Variants in PDGFRA observed in about 807,000 individuals in gnomAD.
PDGFRA encodes the protein platelet-derived growth factor receptor alpha.
PDGFRA carries 25 observed loss-of-function variants against 121.5 expected under a neutral mutation model. The ratio of observed to expected loss-of-function variants is 0.21; its 90% CI spans 0.15 to 0.29. The LOEUF (loss-of-function observed/expected upper bound fraction) is 0.29, where lower values mean the gene tolerates loss of function less well. Ranked by LOEUF, PDGFRA falls within the 10% of genes least tolerant of loss-of-function variation. The probability of loss-of-function intolerance (pLI) is 1.00; values close to 1 mark genes in which losing one functional copy is unlikely to be tolerated. For synonymous variants in PDGFRA, 463 were observed against 494.8 expected (o/e 0.94, Z 0.85); for missense variants, 1,008 against 1,345.1 (o/e 0.75, Z 3.92).
At position 54,295,809 on chromosome 4, in the gene PDGFRA, G is replaced by A. The variant is rs115470852; in HGVS notation, c.*537G>A. 2.6e-3 allele frequency: 620 copies of A among 237,882 alleles called. 6 individuals are homozygous for A. The highest frequency in any genetic ancestry group is 0.013 in the African/African-American group (570 of 45,456). 14.7% of individuals were successfully genotyped at this position (237,882 alleles called of 1,614,324 possible). On this transcript the variant is annotated 3_prime_UTR_variant, in exon 23 of 23. Transcript: ENST00000257290. The stretch of plus-strand genomic sequence containing the variant: ...AACCTTAAAAGGTACTGGTACTATA[G>A]CATTTTGCTATCTTTTTTAGTGTTA...
chr4:54,250,419 T>A (rs1721989674), intron 1 of PDGFRA, among the ~76,000 whole-genome samples: 2 of 152,230 alleles, frequency 1.3e-5, no homozygotes, highest in African/African-American at 4.8e-5. Context: ...GCTTATTAGA[T>A]ATATTAAAAT....
At chr4:54,254,814 T>A (rs1423401440) in intron 1 of PDGFRA, among the ~76,000 whole-genome samples, 1 of 152,176 alleles carries the variant, frequency 6.6e-6, no homozygotes, top group Non-Finnish European at 1.5e-5. Flanking sequence ...CCCAGGCACA[T>A]GCCGGGCTCC....
At chr4:54,234,439 C>T (rs1440758659) in intron 1 of PDGFRA, among the ~76,000 whole-genome samples, 3 of 152,224 alleles carry the variant, frequency 2.0e-5, no homozygotes, top group Admixed American at 2.0e-4. Context: ...ATCTGCTGGC[C>T]ACTCGTAAGA....
Sources: gnomAD v4.1 joint callset for allele counts (sites outside exome capture counted in the v4.1 genomes callset) on GRCh38, gnomAD v4.1.1 for gene constraint, MANE v1.5 for transcripts, NCBI Gene and HGNC (gene_info 2026-07-23, HGNC 2026-07-21) for gene names.